Variants in ITGA9 observed in about 807,000 individuals in gnomAD.
ITGA9 encodes the protein integrin subunit alpha 9, also known as integrin alpha-9.
A neutral mutation model predicts 127.8 loss-of-function variants in ITGA9; 56 were observed. The ratio of observed to expected loss-of-function variants is 0.44; its 90% CI spans 0.35 to 0.55. The LOEUF is 0.55. Ranked by LOEUF, ITGA9 falls within the 20% of genes least tolerant of loss-of-function variation. The pLI is 0.00. For synonymous variants in ITGA9, 508 were observed against 514.5 expected, an observed-to-expected ratio of 0.99 and a Z score of 0.17; for missense variants, 1,196 against 1,347.1, an observed-to-expected ratio of 0.89 and a Z score of 1.76.
intron 17 of ITGA9, among the ~76,000 whole-genome samples, chr3:37,676,836 C>G (rs1254392376): frequency 6.6e-6 from 1 of 152,196 alleles, no homozygotes; most frequent in Non-Finnish European, 1.5e-5. Flanking sequence ...GAGTGTCCTT[C>G]TCCTGCCCCT....
intron 5 of ITGA9, among the ~76,000 whole-genome samples, chr3:37,502,622 C>A (rs1163825681): frequency 6.6e-6 from 1 of 152,104 alleles, no homozygotes; most frequent in South Asian, 2.1e-4. Flanking sequence ...TTTGTTCTTC[C>A]ATGTTTGCAG....
intron 27 of ITGA9, 80 bp downstream of exon 27, chr3:37,804,022 G>T: frequency 6.2e-7 from 1 of 1,602,814 alleles, no homozygotes; most frequent in Non-Finnish European, 8.5e-7. Flanking sequence ...GGAAGAAGGA[G>T]TATCCTGTTA....
At chr3:37,501,904 G>A (rs1332168073) in intron 5 of ITGA9, among the ~76,000 whole-genome samples, 2 of 152,180 alleles carry the variant, frequency 1.3e-5, no homozygotes, top group African/African-American at 4.8e-5. Context: ...AGTGGACAGT[G>A]TTGAATTTTA....
At chr3:37,711,397 G>C (rs1701078215) in intron 18 of ITGA9, among the ~76,000 whole-genome samples, 1 of 152,150 alleles carries the variant, frequency 6.6e-6, no homozygotes, top group Admixed American at 6.5e-5. Flanking sequence ...AAGTCACATA[G>C]CATCACTTCT....
chr3:37,749,100 G>A (rs556914053), intron 22 of ITGA9: 10 of 272,490 alleles, frequency 3.7e-5, no homozygotes, highest in East Asian at 1.5e-4. Flanking sequence ...AATGGGCCCC[G>A]CTGGGCTAAA....
intron 9 of ITGA9, 125 bp from the exon 10 acceptor site, chr3:37,517,377 GGT>G: frequency 1.3e-6 from 1 of 764,532 alleles, no homozygotes. Flanking sequence ...ATTCTGCCCA[GGT>G]GTTTCCTGTC....
chr3:37,745,017 C>G (rs1300727614), intron 22 of ITGA9, among the ~76,000 whole-genome samples: 1 of 152,196 alleles, frequency 6.6e-6, no homozygotes, highest in Non-Finnish European at 1.5e-5. Flanking sequence ...TTCTACCTCC[C>G]AGAACTCTTC....
Position 37,583,315 on chromosome 3 carries a change from G to T in ITGA9, c.1689+40730G>T, listed in dbSNP as rs568335359. ...TATTTTATTTGAGGATAATAAGAAA[G>T]GGGTTAAATAAATTGTATGTTGAGC... On this transcript the variant is annotated intron_variant, in intron 15 of 27. Coordinates refer to ENST00000264741, the MANE Select transcript of ITGA9 (RefSeq NM_002207.3). 3.9e-5 allele frequency among the ~76,000 whole-genome samples: 6 copies of T among 152,282 alleles called. No homozygotes were observed. The East Asian group carries it at 1.2e-3, about 29-fold the overall frequency.
intron 18 of ITGA9, among the ~76,000 whole-genome samples, chr3:37,706,832 T>G (rs1701011024): frequency 6.6e-6 from 1 of 152,214 alleles, no homozygotes; most frequent in Non-Finnish European, 1.5e-5. Flanking sequence ...CTTTCTGACA[T>G]TTGAGCAAAA....
intron 27 of ITGA9, among the ~76,000 whole-genome samples, chr3:37,815,346 C>G (rs1697418103): frequency 6.6e-6 from 1 of 152,184 alleles, no homozygotes; most frequent in Non-Finnish European, 1.5e-5. Context: ...CGGTGGCTCA[C>G]GCCTGTAATC....
At chr3:37,680,953 G>A (rs1255459665) in intron 17 of ITGA9, among the ~76,000 whole-genome samples, 2 of 152,102 alleles carry the variant, frequency 1.3e-5, no homozygotes, top group Non-Finnish European at 2.9e-5. Flanking sequence ...CATCTTGTTT[G>A]GATCCTCAGA....
At chr3:37,503,357 C>T in intron 6 of ITGA9, 50 bp downstream of exon 6, 1 of 1,599,552 alleles carries the variant, frequency 6.3e-7, no homozygotes, top group South Asian at 1.1e-5. Context: ...GGGAGTGATT[C>T]CCACCAGATT....
At chr3:37,772,897 A>C (rs945053080) in intron 23 of ITGA9, among the ~76,000 whole-genome samples, 5 of 152,088 alleles carry the variant, frequency 3.3e-5, no homozygotes, top group Non-Finnish European at 7.4e-5. Flanking sequence ...ATTGCATCAC[A>C]TCACGCCATC....
intron 18 of ITGA9, among the ~76,000 whole-genome samples, chr3:37,698,950 A>G (rs991244461): frequency 3.3e-5 from 5 of 152,170 alleles, no homozygotes; most frequent in African/African-American, 7.2e-5. Flanking sequence ...CCCCTCAGCC[A>G]TTGGGACACT....
At chr3:37,789,768 CA>C (rs71635850) in intron 26 of ITGA9, among the ~76,000 whole-genome samples, 66 of 35,682 alleles carry the variant, frequency 1.8e-3, no homozygotes, top group South Asian at 0.017. Flanking sequence ...GACTCCGTCT[CA>C]AAAAAAAAAA....
At chr3:37,601,291 A>G (rs1028315801) in intron 15 of ITGA9, among the ~76,000 whole-genome samples, 1 of 152,156 alleles carries the variant, frequency 6.6e-6, no homozygotes, top group African/African-American at 2.4e-5. Flanking sequence ...ACCAGACCTT[A>G]TCTGTTCCAT....
At chr3:37,672,604 G>A (rs1472912690) in intron 17 of ITGA9, among the ~76,000 whole-genome samples, 1 of 152,084 alleles carries the variant, frequency 6.6e-6, no homozygotes. Context: ...GTCAGATAAG[G>A]TGGTAAGCTT....
At chr3:37,470,140 G>GTTTTT (rs71288094) in intron 1 of ITGA9, among the ~76,000 whole-genome samples, 14 of 133,076 alleles carry the variant, frequency 1.1e-4, no homozygotes, top group Middle Eastern at 4.1e-3. Context: ...GTTTCTTCTT[G>GTTTTT]TTTTTTTTTT....
chr3:37,529,929 G>A (rs1368288461), intron 13 of ITGA9, among the ~76,000 whole-genome samples: 6 of 152,064 alleles, frequency 3.9e-5, no homozygotes, highest in Non-Finnish European at 7.4e-5. Flanking sequence ...ATGGGCTGGG[G>A]GCGAGGGGCT....
Sources: gnomAD v4.1 joint callset for allele counts (sites outside exome capture counted in the v4.1 genomes callset) on GRCh38, gnomAD v4.1.1 for gene constraint, MANE v1.5 for transcripts, NCBI Gene and HGNC (gene_info 2026-07-23, HGNC 2026-07-21) for gene names.